TP73: variants seen among roughly 807,000 people sequenced by gnomAD.
The protein encoded by TP73 is tumor protein p73, also known as p53-like transcription factor.
Under a neutral mutation model 62.5 loss-of-function variants are expected in TP73, and 25 were observed. The ratio of observed to expected loss-of-function variants is 0.40; its 90% CI spans 0.29 to 0.56. TP73 has a LOEUF of 0.56. TP73 is among the 20% of genes least tolerant of loss of function. TP73 has a pLI of 0.46. For missense variants in TP73, 754 were observed against 913.3 expected, an observed-to-expected ratio of 0.83 and a Z score of 2.25; for synonymous variants, 423 against 377.5, an observed-to-expected ratio of 1.12 and a Z score of -1.40.
At chr1:3,674,896 G>A (rs1182699301) in intron 1 of TP73, among the ~76,000 whole-genome samples, 2 of 152,236 alleles carry the variant, frequency 1.3e-5, no homozygotes, top group African/African-American at 2.4e-5. Context: ...TGCGCTGACC[G>A]CCCGACCCCT....
chr1:3,656,808 T>G (rs1339345609), intron 1 of TP73, among the ~76,000 whole-genome samples: 1 of 152,100 alleles, frequency 6.6e-6, no homozygotes, highest in Non-Finnish European at 1.5e-5. Flanking sequence ...TGAGCCTGGA[T>G]GGGGAAAAAT....
At position 3,706,830 on chromosome 1, in the gene TP73, G is replaced by A. The variant is rs979458662; in HGVS notation, c.187-719G>A. On this transcript the variant is annotated intron_variant, in intron 3 of 13. Transcript: ENST00000378295. ...TCCTTGGTGTGTGGTCCTGGCGGGG[G>A]AGCTGCGGGTAGGGGCCTAACGAGA... 5.2e-4 allele frequency among the ~76,000 whole-genome samples: 79 copies of A among 152,284 alleles called. 1 individual carries two copies. The Middle Eastern group carries it at 0.02, about 39-fold the overall frequency.
chr1:3,724,319 G>A (rs188034614), intron 6 of TP73, among the ~76,000 whole-genome samples: 1 of 152,034 alleles, frequency 6.6e-6, no homozygotes, highest in African/African-American at 2.4e-5. Context: ...CTGGTTCTGA[G>A]ACCAGGCTCC....
rs533054348 is a variant in TP73, at chr1:3,711,839, C to CGTGTGTGTGT, written c.429+4054_429+4055insGTGTGTGTGT. On this transcript the variant is annotated intron_variant, in intron 4 of 13. Transcript: ENST00000378295. ...GACTCAGCGTGTGTGTGTGCGCGAG[C>CGTGTGTGTGT]GTGTGTATGTGTGTGTGTGTGTGTG... 9.3e-3 allele frequency among the ~76,000 whole-genome samples: 1,361 copies of CGTGTGTGTGT among 146,146 alleles called. 17 individuals are homozygous for CGTGTGTGTGT. The highest frequency in any genetic ancestry group is 0.022 in the East Asian group (112 of 5,074).
rs781413092 is a variant in TP73, at chr1:3,731,036, C to T, written c.1455C>T (p.Pro485=). 2 of 1,612,164 alleles carry T rather than the reference C, an allele frequency of 1.2e-6. No homozygotes were observed. Among genetic ancestry groups the T allele is most frequent in the Admixed American group, 3.3e-5 (2 of 59,962 alleles). ...CGGGGTCCCACTGCACTCCGCCACC[C>T]CCCTACCACGCCGACCCCAGCCTCG... ...MVSGSHCTPP[P]PYHADPSLVS... is the part of the protein sequence containing the mutation. The change falls in exon 12 of 14, where the codon CCC becomes CCT. Residue 485 remains proline, a synonymous_variant. Transcript: ENST00000378295.
intron 6 of TP73, among the ~76,000 whole-genome samples, chr1:3,723,950 G>A (rs1281347279): frequency 6.6e-6 from 1 of 152,168 alleles, no homozygotes; most frequent in East Asian, 1.9e-4. Context: ...GCCAGGCCAG[G>A]GGCCCAGGAG....
chr1:3,666,977 A>T lies in TP73; in HGVS notation c.-34+14336A>T, dbSNP rs1272693353. Among the ~76,000 whole-genome samples, 2 of 152,158 alleles carry T rather than the reference A, an allele frequency of 1.3e-5. No homozygotes were observed. The highest frequency in any genetic ancestry group is 2.4e-5 in the African/African-American group (1 of 41,424). On this transcript the variant is annotated intron_variant, in intron 1 of 13. Coordinates refer to ENST00000378295, the MANE Select transcript of TP73 (RefSeq NM_005427.4). This position sits in a 1 kb window ranked among gnomAD's most constrained non-coding sequence, Gnocchi z 6.4. ...GGGACCGTGATTCAGCTATTTTGAG[A>T]TGGGGAGGCCATCTGGCAGGATCCA...
chr1:3,731,613 G>A (rs749282363), intron 13 of TP73, 57 bp downstream of exon 13: 100 of 1,494,176 alleles, frequency 6.7e-5, no homozygotes, highest in South Asian at 2.7e-4. Context: ...GCCCCTGTCC[G>A]GAGGGCAAAG....
intron 3 of TP73, among the ~76,000 whole-genome samples, chr1:3,702,150 T>G (rs3765740): frequency 0.54 from 82,328 of 152,040 alleles, 22,756 homozygotes; most frequent in Middle Eastern, 0.64. Context: ...TAGATGCTGG[T>G]GCTTGGATTG....
intron 3 of TP73, 89 bp from the exon 4 acceptor site, chr1:3,707,460 T>TA: frequency 6.6e-7 from 1 of 1,524,198 alleles, no homozygotes; most frequent in South Asian, 1.3e-5. Context: ...GCTGGCCCTT[T>TA]AAGGCTCCTG....
chr1:3,718,398 T>C (rs906854490), intron 4 of TP73, among the ~76,000 whole-genome samples: 1 of 152,186 alleles, frequency 6.6e-6, no homozygotes, highest in African/African-American at 2.4e-5. Flanking sequence ...CACTTCACCC[T>C]GCCCGGAGAC....
chr1:3,686,543 C>T (rs559083807), intron 3 of TP73, among the ~76,000 whole-genome samples: 1 of 152,174 alleles, frequency 6.6e-6, no homozygotes. Context: ...GCCACACTGG[C>T]CCCTGCAGAG....
At chr1:3,674,282 G>A (rs369365513) in intron 1 of TP73, among the ~76,000 whole-genome samples, 9 of 152,276 alleles carry the variant, frequency 5.9e-5, no homozygotes, top group African/African-American at 2.2e-4. Context: ...CTCCCCTCCC[G>A]CTTCCCGTGG....
Position 3,733,319 on chromosome 1 carries a change from T to C in TP73, c.*240T>C. The C allele has an allele frequency of 1.7e-6, 1 of 583,110 alleles. No homozygotes were observed. Among genetic ancestry groups the C allele is most frequent in the Non-Finnish European group, 3.0e-6 (1 of 332,306 alleles). 36.1% of individuals were successfully genotyped at this position (583,110 alleles called of 1,614,324 possible). A position where few individuals can be genotyped will look rare whatever the true frequency, so the allele number is the denominator to read the frequency against. On this transcript the variant is annotated 3_prime_UTR_variant, in exon 14 of 14. Transcript: ENST00000378295. The stretch of plus-strand genomic sequence containing the variant: ...TCTGGAGCTGCCCTAGTGCTGGGCT[T>C]GTGGGGCGGGGGCTGGCCCACTCTC...
chr1:3,731,115 A>G (rs2124544830), intron 12 of TP73, 50 bp downstream of exon 12: 2 of 1,580,628 alleles, frequency 1.3e-6, no homozygotes, highest in Non-Finnish European at 1.7e-6. Flanking sequence ...CTGTCTGTTC[A>G]CCTCTGTCCT....
chr1:3,710,647 G>T (rs1251762458), intron 4 of TP73, among the ~76,000 whole-genome samples: 5 of 152,252 alleles, frequency 3.3e-5, no homozygotes, highest in Non-Finnish European at 7.3e-5. Context: ...GCCCCCAAGT[G>T]ACCACAGATC....
intron 4 of TP73, among the ~76,000 whole-genome samples, chr1:3,717,948 G>C (rs1640742149): frequency 6.6e-6 from 1 of 152,212 alleles, no homozygotes; most frequent in Admixed American, 6.5e-5. Flanking sequence ...GGGGACACCT[G>C]TGGGGAGGAG....
At chr1:3,697,139 G>A (rs886954971) in intron 3 of TP73, among the ~76,000 whole-genome samples, 8 of 150,404 alleles carry the variant, frequency 5.3e-5, no homozygotes, top group Middle Eastern at 3.5e-3. Flanking sequence ...ATGTGCCTGG[G>A]GCCCCTGCGG....
chr1:3,730,427 A>T (rs914269456), intron 11 of TP73, among the ~76,000 whole-genome samples: 1 of 152,216 alleles, frequency 6.6e-6, no homozygotes, highest in Non-Finnish European at 1.5e-5. Flanking sequence ...GGCTCTTAAC[A>T]TTACACAGCC....
Sources: gnomAD v4.1 joint callset for allele counts (sites outside exome capture counted in the v4.1 genomes callset) on GRCh38, gnomAD v4.1.1 for gene constraint, Gnocchi (gnomAD v3.1) non-coding constraint, MANE v1.5 for transcripts, NCBI Gene and HGNC (gene_info 2026-07-23, HGNC 2026-07-21) for gene names.